The following LARP1B variants were observed in gnomAD, a reference collection of about 807,000 sequenced individuals.
LARP1B encodes the protein la-related protein 1B.
In LARP1B, 76 loss-of-function variants were observed where a neutral mutation model predicts 114.2. The observed-to-expected ratio is 0.67, with a 90% CI of 0.55 to 0.81. The LOEUF is 0.81. LARP1B is among the 30% of genes least tolerant of loss of function. The pLI, the probability that LARP1B is intolerant of heterozygous loss-of-function variation, is 0.00. For synonymous variants in LARP1B, 345 were observed against 348.0 expected, an observed-to-expected ratio of 0.99 and a Z score of 0.10; for missense variants, 1,014 against 1,075.8, an observed-to-expected ratio of 0.94 and a Z score of 0.80.
In LARP1B at chr4:128,209,973, A is replaced by G. The variant is rs766076015; in HGVS notation, c.2665A>G (p.Thr889Ala). The change falls in exon 20 of 20, where the codon ACA becomes GCA. Residue 889 changes from threonine to alanine, a missense_variant. Transcript: ENST00000326639. ...AAAGCCACCAAATGCTGCTAAACCT[A>G]CATCTACCAGTGAGCTTCAGGTACC... ...STKPPNAAKP[T>A]STSELQVPIN... 1.9e-6 allele frequency: 3 copies of G among 1,613,930 alleles called. No homozygotes were observed. Among genetic ancestry groups the G allele is most frequent in the Non-Finnish European group, 2.5e-6 (3 of 1,179,956 alleles).
Position 128,082,305 on chromosome 4 carries a change from A to G in LARP1B, c.358A>G (p.Ser120Gly). The G allele has an allele frequency of 6.2e-7, 1 of 1,613,352 alleles. No homozygotes were observed. Among genetic ancestry groups the G allele is most frequent in the Non-Finnish European group, 8.5e-7 (1 of 1,179,550 alleles). The stretch of plus-strand genomic sequence containing the variant: ...TAACAATAGGAGAAATGATACACGA[A>G]GTAAGTTACCATTCTAAGACAAAAA... Reference protein sequence around the residue: ...THNNRRNDTRSWKRDREKRDD... With the variant: ...THNNRRNDTRGWKRDREKRDD... The change falls in exon 5 of 20, where the codon AGT becomes GGT. Residue 120 changes from serine (S) to glycine (G), a missense_variant and splice_region_variant. By Grantham distance (56) the Ser-to-Gly change is moderately conservative. Transcript: ENST00000326639.
intron 12 of LARP1B, among the ~76,000 whole-genome samples, chr4:128,167,033 T>C (rs1185745080): frequency 6.7e-6 from 1 of 149,920 alleles, no homozygotes; most frequent in Non-Finnish European, 1.5e-5. Flanking sequence ...TACACACGTG[T>C]GTACGTATAT....
At chr4:128,147,980 A>G (rs1196255673) in intron 11 of LARP1B, among the ~76,000 whole-genome samples, 2 of 152,232 alleles carry the variant, frequency 1.3e-5, no homozygotes, top group East Asian at 3.8e-4. Context: ...TTATCTAATG[A>G]GAGCTAAGTA....
intron 15 of LARP1B, among the ~76,000 whole-genome samples, chr4:128,195,847 A>C (rs1461502653): frequency 1.3e-5 from 2 of 152,224 alleles, no homozygotes; most frequent in Admixed American, 6.5e-5. Context: ...AATTGACGAA[A>C]CTTTAGCTAG....
chr4:128,130,659 C>G (rs965524125), intron 11 of LARP1B, among the ~76,000 whole-genome samples: 1 of 152,216 alleles, frequency 6.6e-6, no homozygotes, highest in Non-Finnish European at 1.5e-5. Flanking sequence ...AAACTAAACT[C>G]TTACCAAAGG....
chr4:128,127,173 T>G (rs568708242), intron 11 of LARP1B, among the ~76,000 whole-genome samples: 51 of 152,140 alleles, frequency 3.4e-4, no homozygotes, highest in Non-Finnish European at 5.1e-4. Context: ...ATATGAGAAA[T>G]GGCCACCAGC....
chr4:128,170,993 A>G (rs1743427743), intron 12 of LARP1B, among the ~76,000 whole-genome samples: 2 of 144,036 alleles, frequency 1.4e-5, no homozygotes, highest in South Asian at 4.4e-4. Context: ...CTTTTTTTGT[A>G]TAATTGTTTT....
intron 8 of LARP1B, among the ~76,000 whole-genome samples, chr4:128,101,015 C>T (rs1780139150): frequency 6.6e-6 from 1 of 150,796 alleles, no homozygotes. Context: ...GACAGGGTTT[C>T]ACCATGTTGG....
chr4:128,190,497 C>T (rs1338045555), intron 15 of LARP1B, among the ~76,000 whole-genome samples: 1 of 152,062 alleles, frequency 6.6e-6, no homozygotes. Flanking sequence ...TCCCATAATC[C>T]CCATGTGTCA....
Position 128,114,698 on chromosome 4 carries a change from A to G in LARP1B, c.1117A>G (p.Ile373Val), listed in dbSNP as rs769807102. The G allele has an allele frequency of 6.2e-7, 1 of 1,614,146 alleles. No individual in the cohort carries two copies. The highest frequency in any genetic ancestry group is 1.7e-5 in the Admixed American group (1 of 60,020). The change falls in exon 10 of 20, where the codon ATA becomes GTA. Residue 373 changes from isoleucine to valine, a missense_variant. By Grantham distance (29) the Ile-to-Val change is conservative. Transcript: ENST00000326639. ...GCCTGACTTGGACTCAGAACCTTGGATAGAAGTTAAAAAAAGACATCAGCC... is the reference window on the plus strand; with the variant it reads ...GCCTGACTTGGACTCAGAACCTTGGGTAGAAGTTAAAAAAAGACATCAGCC... The part of the protein sequence containing the change: ...SLPDLDSEPW[I>V]EVKKRHQPAP...
chr4:128,210,390 A>G lies in LARP1B; in HGVS notation c.*337A>G, dbSNP rs1008715385. ...AAACAGCATTCCTTAAATATATTTA[A>G]AAAACAATACAAGGAATGCCTAACA... On this transcript the variant is annotated 3_prime_UTR_variant, in exon 20 of 20. Transcript: ENST00000326639. 15 of 1,072,042 alleles carry G rather than the reference A, an allele frequency of 1.4e-5. No individual in the cohort carries two copies. The highest frequency in any genetic ancestry group is 1.7e-5 in the Non-Finnish European group (15 of 883,134). 66.4% of individuals were successfully genotyped at this position (1,072,042 alleles called of 1,614,324 possible). A position where few individuals can be genotyped will look rare whatever the true frequency, so the allele number is the denominator to read the frequency against.
chr4:128,200,069 G>C (rs926627844), intron 16 of LARP1B, among the ~76,000 whole-genome samples: 2 of 152,190 alleles, frequency 1.3e-5, no homozygotes, highest in African/African-American at 4.8e-5. Flanking sequence ...CTGGGCAACA[G>C]AGTGAGACTC....
chr4:128,061,982 G>C (rs1055618762), intron 1 of LARP1B: 1 of 985,168 alleles, frequency 1.0e-6, no homozygotes, highest in Non-Finnish European at 1.2e-6. Context: ...GCGTGGGCCC[G>C]GGGGCCCTTT....
At chr4:128,157,403 G>T (rs896222467) in intron 11 of LARP1B, among the ~76,000 whole-genome samples, 1 of 152,122 alleles carries the variant, frequency 6.6e-6, no homozygotes, top group African/African-American at 2.4e-5. Context: ...TCCTCCAATG[G>T]GGGAAGAGAG....
intron 11 of LARP1B, chr4:128,155,960 GC>G: frequency 6.5e-7 from 1 of 1,529,260 alleles, no homozygotes; most frequent in Non-Finnish European, 9.0e-7. Flanking sequence ...GGCACCAGCA[GC>G]CCGCCAGCCC....
chr4:128,222,906 A>G (rs1239760888), downstream of LARP1B: 2 of 152,196 alleles, frequency 1.3e-5, no homozygotes, highest in Non-Finnish European at 2.9e-5. Context: ...ACATTTTAAT[A>G]AACACTACAT....
rs779520116 is a variant in LARP1B at position 128,179,508 on chromosome 4, G to A, written c.1999G>A (p.Val667Ile). The change falls in exon 15 of 20, where the codon GTC (valine) becomes ATC (isoleucine). Residue 667 changes from valine (V) to isoleucine (I), a missense_variant. By Grantham distance (29) the Val-to-Ile change is conservative. Coordinates refer to ENST00000326639, the MANE Select transcript of LARP1B (RefSeq NM_018078.4). ...SRDRGPGTSSVSTSNASPSEG... is the reference protein window; with the variant it reads ...SRDRGPGTSSISTSNASPSEG... ...AGACCGTGGGCCAGGAACATCCTCT[G>A]TCAGGTACTATATTTCTCAAACATT... The A allele has an allele frequency of 1.3e-6, 2 of 1,575,868 alleles. No individual in the cohort carries two copies. The highest frequency in any genetic ancestry group is 1.7e-6 in the Non-Finnish European group (2 of 1,156,264).
At chr4:128,136,793 A>T (rs929915886) in intron 11 of LARP1B, among the ~76,000 whole-genome samples, 1 of 152,164 alleles carries the variant, frequency 6.6e-6, no homozygotes, top group Non-Finnish European at 1.5e-5. Context: ...TGTAGAGATG[A>T]GGTCTCACTA....
At chr4:128,208,579 T>C (rs1758217867) in intron 19 of LARP1B, among the ~76,000 whole-genome samples, 1 of 152,176 alleles carries the variant, frequency 6.6e-6, no homozygotes, top group African/African-American at 2.4e-5. Flanking sequence ...TCTTGCCCCA[T>C]CTGAACATAA....
Sources: allele counts gnomAD v4.1 joint callset (sites outside exome capture counted in the v4.1 genomes callset), GRCh38; gene constraint gnomAD v4.1.1; transcripts MANE v1.5; gene names NCBI Gene and HGNC (gene_info 2026-07-23, HGNC 2026-07-21).